Variants in SNRNP40 observed in about 807,000 individuals in gnomAD.
SNRNP40 encodes small nuclear ribonucleoprotein U5 subunit 40.
A neutral mutation model predicts 45.8 loss-of-function variants in SNRNP40; 21 were observed. The observed-to-expected ratio is 0.46, with a 90% CI of 0.32 to 0.66. SNRNP40 has a LOEUF of 0.66. Ranked by LOEUF, SNRNP40 falls within the 30% of genes least tolerant of loss-of-function variation. The pLI is 0.03. For missense variants in SNRNP40, 344 were observed against 439.1 expected (o/e 0.78, Z 1.94); for synonymous variants, 142 against 163.8 (o/e 0.87, Z 1.01).
In SNRNP40 at chr1:31,261,690, G is replaced by C. The variant is rs1042804225; in HGVS notation, c.921-58C>G. ...CTCTTAGAGCTGGGGGTAGGACAGA[G>C]GCATGGCTTTTTAAAGGAAATGGAA... On this transcript the variant is annotated intron_variant, in intron 8 of 9. Coordinates refer to ENST00000263694, the MANE Select transcript of SNRNP40 (RefSeq NM_004814.3). The C allele has an allele frequency of 1.1e-5, 12 of 1,056,220 alleles. No homozygotes were observed. The African/African-American group carries it at 1.9e-4, about 17-fold the overall frequency. The allele number at this position is 1,056,220 out of a possible 1,614,324, so 65.4% of individuals were successfully genotyped here. A position where few individuals can be genotyped will look rare whatever the true frequency, so the allele number is the denominator to read the frequency against.
At chr1:31,267,211 G>C (rs564140471) in intron 8 of SNRNP40, among the ~76,000 whole-genome samples, 2 of 152,158 alleles carry the variant, frequency 1.3e-5, no homozygotes, top group Non-Finnish European at 2.9e-5. Flanking sequence ...TGGTGATGGT[G>C]GGGGAGGTGG....
chr1:31,270,750 T>G (rs950238402), intron 6 of SNRNP40, among the ~76,000 whole-genome samples: 10 of 152,204 alleles, frequency 6.6e-5, no homozygotes, highest in African/African-American at 2.4e-4. Flanking sequence ...ACATTTTAGT[T>G]CCTGACAAGC....
At chr1:31,270,374 C>T (rs1645929142) in intron 6 of SNRNP40, among the ~76,000 whole-genome samples, 1 of 152,026 alleles carries the variant, frequency 6.6e-6, no homozygotes, top group African/African-American at 2.4e-5. Flanking sequence ...GGAGGCTTGC[C>T]TGGGCCCAGG....
chr1:31,286,561 C>A (rs1646060749), intron 4 of SNRNP40, among the ~76,000 whole-genome samples: 1 of 152,146 alleles, frequency 6.6e-6, no homozygotes, highest in Non-Finnish European at 1.5e-5. Context: ...GTCTCAGACT[C>A]CCTACACCAA....
At chr1:31,291,637 A>T (rs1646108069) in intron 3 of SNRNP40, among the ~76,000 whole-genome samples, 1 of 152,214 alleles carries the variant, frequency 6.6e-6, no homozygotes, top group Admixed American at 6.5e-5. Context: ...TGTTTGTGTC[A>T]CTGCACTCCA....
At chr1:31,294,890 C>T (rs368779868) in intron 1 of SNRNP40, among the ~76,000 whole-genome samples, 5 of 150,032 alleles carry the variant, frequency 3.3e-5, no homozygotes, top group African/African-American at 4.9e-5. Flanking sequence ...TGCGGTGCAC[C>T]GAGATTGCGC....
Position 31,271,516 on chromosome 1 carries a change from G to T in SNRNP40, c.655-17C>A. On this transcript the variant is annotated splice_polypyrimidine_tract_variant and intron_variant, in intron 5 of 9. Transcript: ENST00000263694. ...GTCCCAGACCTGCAAAAACAGAAAG[G>T]TGCCCCCAGAAATCAAATTAATAAA... 6.3e-7 allele frequency: 1 copy of T among 1,592,804 alleles called. No individual in the cohort carries two copies.
chr1:31,279,788 C>T (rs898051161), intron 5 of SNRNP40, among the ~76,000 whole-genome samples: 14 of 151,242 alleles, frequency 9.3e-5, no homozygotes, highest in Non-Finnish European at 1.9e-4. Flanking sequence ...AAAGAAGTGA[C>T]GAAGGATTGA....
intron 9 of SNRNP40, 62 bp from the exon 10 acceptor site, chr1:31,260,183 GGCTCTTGTGTCAAGA>G (rs1450857085): frequency 8.1e-7 from 1 of 1,227,168 alleles, no homozygotes; most frequent in Non-Finnish European, 1.1e-6. Flanking sequence ...GGTGCTCAAG[GGCTCTTGTGTCAAGA>G]GCCAATTCTG....
intron 4 of SNRNP40, among the ~76,000 whole-genome samples, chr1:31,286,727 C>T (rs967804973): frequency 6.6e-6 from 1 of 152,158 alleles, no homozygotes; most frequent in Non-Finnish European, 1.5e-5. Flanking sequence ...GGTTACCTAC[C>T]CTGTGTTGTA....
chr1:31,277,709 C>T (rs1188990927), intron 5 of SNRNP40, among the ~76,000 whole-genome samples: 1 of 151,954 alleles, frequency 6.6e-6, no homozygotes, highest in Non-Finnish European at 1.5e-5. Flanking sequence ...TTTTTTAATG[C>T]TTTGAGACAG....
At chr1:31,286,711 C>T (rs567011549) in intron 4 of SNRNP40, among the ~76,000 whole-genome samples, 1 of 152,298 alleles carries the variant, frequency 6.6e-6, no homozygotes, top group Admixed American at 6.5e-5. Flanking sequence ...TCAAATTCCC[C>T]ACACTGGTTA....
chr1:31,276,775 G>A (rs534846938), intron 5 of SNRNP40, among the ~76,000 whole-genome samples: 2 of 152,296 alleles, frequency 1.3e-5, no homozygotes, highest in East Asian at 3.9e-4. Context: ...GCTCACTCCT[G>A]TAATCCCAGC....
intron 2 of SNRNP40, among the ~76,000 whole-genome samples, chr1:31,292,238 C>T (rs1013079599): frequency 2.6e-5 from 4 of 152,018 alleles, no homozygotes; most frequent in Admixed American, 2.6e-4. Flanking sequence ...TGGCAGACGC[C>T]TACAATCCCA....
intron 8 of SNRNP40, among the ~76,000 whole-genome samples, chr1:31,262,570 C>T (rs559359090): frequency 2.8e-5 from 4 of 144,072 alleles, no homozygotes; most frequent in Admixed American, 2.8e-4. Context: ...ATCAGCTTCT[C>T]TAAACTCCTT....
At chr1:31,286,522 C>T (rs576424573) in intron 4 of SNRNP40, among the ~76,000 whole-genome samples, 1 of 152,292 alleles carries the variant, frequency 6.6e-6, no homozygotes, top group East Asian at 1.9e-4. Context: ...GTCTGCACTT[C>T]TCCAAGCATG....
In SNRNP40 at chr1:31,259,749, C is replaced by A. The variant is rs1326541795; in HGVS notation, c.*323G>T. 1.3e-5 allele frequency: 6 copies of A among 474,664 alleles called. No homozygotes were observed. Among genetic ancestry groups the A allele is most frequent in the African/African-American group, 1.1e-4 (4 of 36,716 alleles). 29.4% of individuals were successfully genotyped at this position (474,664 alleles called of 1,614,324 possible). ...TACAGAAAGAAAATATCATACAAGC[C>A]AGTTACAAAAAAAAAAAAAAAATCC... On this transcript the variant is annotated 3_prime_UTR_variant, in exon 10 of 10. Coordinates refer to ENST00000263694, the MANE Select transcript of SNRNP40 (RefSeq NM_004814.3).
chr1:31,270,946 C>A (rs1234449998), intron 6 of SNRNP40, among the ~76,000 whole-genome samples: 3 of 152,194 alleles, frequency 2.0e-5, no homozygotes, highest in Non-Finnish European at 4.4e-5. Context: ...CCTCTTCCCA[C>A]ACCAATGCTT....
intron 4 of SNRNP40, among the ~76,000 whole-genome samples, chr1:31,287,771 G>A (rs1359658304): frequency 3.9e-5 from 6 of 152,138 alleles, no homozygotes; most frequent in Admixed American, 1.3e-4. Flanking sequence ...AGGCCGAGGG[G>A]GGCGGATCAC....
Sources: allele counts gnomAD v4.1 joint callset (sites outside exome capture counted in the v4.1 genomes callset), GRCh38; gene constraint gnomAD v4.1.1; transcripts MANE v1.5; gene names NCBI Gene and HGNC (gene_info 2026-07-23, HGNC 2026-07-21).